The following PEX5L variants were observed in gnomAD, a reference collection of about 807,000 sequenced individuals.
The protein encoded by PEX5L is peroxisomal biogenesis factor 5 like, also known as PEX5-related protein.
In PEX5L, 30 loss-of-function variants were observed where a neutral mutation model predicts 84.0. The ratio of observed to expected loss-of-function variants is 0.36; its 90% confidence interval spans 0.27 to 0.48. The LOEUF (loss-of-function observed/expected upper bound fraction) is 0.48, where lower values mean the gene tolerates loss of function less well. PEX5L is among the 20% of genes least tolerant of loss of function. The probability of loss-of-function intolerance (pLI) is 0.99; values close to 1 mark genes in which losing one functional copy is unlikely to be tolerated. For missense variants in PEX5L, 533 were observed against 754.6 expected (o/e 0.71, Z 3.44); for synonymous variants, 270 against 283.1 (o/e 0.95, Z 0.46).
chr3:180,012,447 A>G (rs1031781386), intron 1 of PEX5L, among the ~76,000 whole-genome samples: 1 of 152,130 alleles, frequency 6.6e-6, no homozygotes, highest in Non-Finnish European at 1.5e-5. Context: ...AACAGATTTT[A>G]TTTTTTAAAA....
At chr3:179,974,403 C>A in intron 1 of PEX5L, 1 of 156,448 alleles carries the variant, frequency 6.4e-6, no homozygotes, top group South Asian at 2.0e-4. Context: ...CCTTAGCATG[C>A]TGCCCATTTA....
chr3:179,979,320 C>T (rs928010251), intron 1 of PEX5L, among the ~76,000 whole-genome samples: 5 of 151,924 alleles, frequency 3.3e-5, no homozygotes, highest in Non-Finnish European at 5.9e-5. Context: ...CTGGCATGTT[C>T]TTGTCTCCTT....
At chr3:179,979,840 C>A (rs975282766) in intron 1 of PEX5L, among the ~76,000 whole-genome samples, 2 of 152,082 alleles carry the variant, frequency 1.3e-5, no homozygotes, top group Admixed American at 6.6e-5. Flanking sequence ...GGGGATGAAA[C>A]CTTGTTACAG....
intron 8 of PEX5L, among the ~76,000 whole-genome samples, chr3:179,820,263 G>T (rs1727958648): frequency 6.6e-6 from 1 of 152,184 alleles, no homozygotes; most frequent in Non-Finnish European, 1.5e-5. Flanking sequence ...ACAGTTTCAT[G>T]TGTGGGCACT....
intron 7 of PEX5L, among the ~76,000 whole-genome samples, chr3:179,867,002 G>A (rs1345894919): frequency 7.0e-6 from 1 of 142,574 alleles, no homozygotes; most frequent in Non-Finnish European, 1.5e-5. Context: ...CTCCAGCCTG[G>A]GTGACAGAGC....
intron 7 of PEX5L, among the ~76,000 whole-genome samples, chr3:179,871,720 T>A (rs1265843122): frequency 1.3e-5 from 2 of 152,164 alleles, no homozygotes; most frequent in Non-Finnish European, 2.9e-5. Flanking sequence ...CTGTTTCTGT[T>A]CCTCACTTCA....
chr3:180,019,739 T>G (rs1790267150), intron 1 of PEX5L, among the ~76,000 whole-genome samples: 1 of 152,176 alleles, frequency 6.6e-6, no homozygotes, highest in Non-Finnish European at 1.5e-5. Context: ...ATCCCATTAA[T>G]TAGTTTGAGG....
chr3:179,811,023 G>A (rs1227946255), intron 11 of PEX5L, among the ~76,000 whole-genome samples: 1 of 152,030 alleles, frequency 6.6e-6, no homozygotes, highest in African/African-American at 2.4e-5. Context: ...TCTGAACGCA[G>A]GGCCACACCC....
In PEX5L at chr3:179,815,579, G is replaced by GTCTCAAAAAAAGAAAACTACTGA. The variant is rs547293524; in HGVS notation, c.1083+259_1083+281dup. On this transcript the variant is annotated intron_variant, in intron 10 of 14. Transcript: ENST00000467460. ...CAGCCTGGTTGACAGAGCAAGACTTGTCTCAAAAAAAGAAAACTACTGATA... is the reference window on the plus strand; with the variant it reads ...CAGCCTGGTTGACAGAGCAAGACTTGTCTCAAAAAAAGAAAACTACTGATCTCAAAAAAAGAAAACTACTGATA... 1.8e-4 allele frequency among the ~76,000 whole-genome samples: 28 copies of GTCTCAAAAAAAGAAAACTACTGA among 152,234 alleles called. 1 individual carries two copies. The East Asian group carries it at 5.0e-3, about 27-fold the overall frequency.
intron 1 of PEX5L, chr3:179,974,264 G>C (rs896936922): frequency 7.9e-6 from 7 of 887,712 alleles, no homozygotes; most frequent in Non-Finnish European, 9.4e-6. Flanking sequence ...CAAGTGTGAG[G>C]GGGCAGGGCT....
At chr3:180,021,371 A>G (rs1790412452) in intron 1 of PEX5L, among the ~76,000 whole-genome samples, 1 of 152,180 alleles carries the variant, frequency 6.6e-6, no homozygotes, top group African/African-American at 2.4e-5. Context: ...TGTTTTTCAT[A>G]CTTCAGTGTG....
At chr3:180,011,833 T>G (rs1360161727) in intron 1 of PEX5L, among the ~76,000 whole-genome samples, 1 of 152,144 alleles carries the variant, frequency 6.6e-6, no homozygotes, top group Non-Finnish European at 1.5e-5. Flanking sequence ...GGGCTATTTT[T>G]TAAACTCAAA....
rs1560111141 is a variant in PEX5L, at chr3:179,797,602, A to AT, written c.*4225_*4226insA. The AT allele has an allele frequency of 2.4e-3, 268 of 112,512 alleles. No homozygotes were observed. Among genetic ancestry groups the AT allele is most frequent in the Middle Eastern group, 4.6e-3 (1 of 218 alleles). The allele number at this position is 112,512 out of a possible 1,614,324, so 7.0% of individuals were successfully genotyped here. A position where few individuals can be genotyped will look rare whatever the true frequency, so the allele number is the denominator to read the frequency against. On this transcript the variant is annotated 3_prime_UTR_variant, in exon 15 of 15. Transcript: ENST00000467460. ...ATGAACACTCTTTAAAAAAAAAAAA[A>AT]AAAATATATATATATATATATATAT... is the stretch of plus-strand genomic sequence containing the variant.
intron 8 of PEX5L, among the ~76,000 whole-genome samples, chr3:179,822,707 C>T (rs1577280162): frequency 6.6e-6 from 1 of 152,312 alleles, no homozygotes; most frequent in Non-Finnish European, 1.5e-5. Context: ...TTTCTTAGCT[C>T]TTCTGGGATT....
intron 2 of PEX5L, among the ~76,000 whole-genome samples, chr3:179,957,144 C>T (rs913474734): frequency 1.9e-5 from 2 of 106,284 alleles, no homozygotes; most frequent in African/African-American, 3.5e-5. Flanking sequence ...GAATGCACAC[C>T]GACTGCGACT....
At chr3:179,820,097 C>A in intron 8 of PEX5L, 121 bp from the exon 9 acceptor site, 1 of 1,415,194 alleles carries the variant, frequency 7.1e-7, no homozygotes, top group South Asian at 1.3e-5. Flanking sequence ...CTGATGACAT[C>A]CAACTGATAG....
At chr3:179,917,704 G>A (rs1441503774) in intron 2 of PEX5L, among the ~76,000 whole-genome samples, 2 of 152,148 alleles carry the variant, frequency 1.3e-5, no homozygotes, top group Non-Finnish European at 2.9e-5. Flanking sequence ...GAGTTGCCCA[G>A]GCTGGAGTGC....
rs113171931 is a variant in PEX5L at position 179,965,223 on chromosome 3, A to G, written c.93+6371T>C. 4.9e-4 allele frequency among the ~76,000 whole-genome samples: 74 copies of G among 152,362 alleles called. 2 individuals are homozygous for G. The highest frequency in any genetic ancestry group is 1.4e-3 in the African/African-American group (59 of 41,592). On this transcript the variant is annotated intron_variant, in intron 2 of 14. Transcript: ENST00000467460. Reference sequence around the variant, plus strand: ...AAATAACCAAAGTGAAAATGTCATGATACCACAACCATCTCCAACTCACCA... The same window carrying G: ...AAATAACCAAAGTGAAAATGTCATGGTACCACAACCATCTCCAACTCACCA...
In PEX5L at chr3:179,808,414, T is replaced by A; in HGVS notation, c.1376A>T (p.Glu459Val). 6.4e-7 allele frequency: 1 copy of A among 1,556,908 alleles called. No individual in the cohort carries two copies. Reference sequence around the variant, plus strand: ...TTGGTGGGCAGCTTCCAGATATAATTCCTTCACCCCTTCCAGAACAGAGCT... The same window carrying A: ...TTGGTGGGCAGCTTCCAGATATAATACCTTCACCCCTTCCAGAACAGAGCT... ...VDSSVLEGVK[E>V]LYLEAAHQNG... The change falls in exon 13 of 15, where the codon GAA becomes GTA. Residue 459 changes from glutamate to valine, a missense_variant. Coordinates refer to ENST00000467460, the MANE Select transcript of PEX5L (RefSeq NM_016559.3).
Sources: allele counts gnomAD v4.1 joint callset (sites outside exome capture counted in the v4.1 genomes callset), GRCh38; gene constraint gnomAD v4.1.1; transcripts MANE v1.5; gene names NCBI Gene and HGNC (gene_info 2026-07-23, HGNC 2026-07-21).